ASZ1: variants seen among roughly 807,000 people sequenced by gnomAD.
ASZ1 encodes the protein ankyrin repeat, SAM and basic leucine zipper domain containing 1.
Under a neutral mutation model 61.8 loss-of-function variants are expected in ASZ1, and 67 were observed. The observed-to-expected ratio is 1.08, with a 90% CI of 0.89 to 1.33. The LOEUF (loss-of-function observed/expected upper bound fraction) is 1.33. ASZ1 is among the 40% of genes most tolerant of loss of function. The probability of loss-of-function intolerance (pLI) is 0.00; values close to 1 mark genes in which losing one functional copy is unlikely to be tolerated. For synonymous variants in ASZ1, 193 were observed against 192.7 expected, an observed-to-expected ratio of 1.00 and a Z score of -0.01; for missense variants, 577 against 554.5, an observed-to-expected ratio of 1.04 and a Z score of -0.41.
chr7:117,395,862 T>C (rs1268824221), intron 4 of ASZ1, among the ~76,000 whole-genome samples: 1 of 152,160 alleles, frequency 6.6e-6, no homozygotes, highest in African/African-American at 2.4e-5. Context: ...GGCAAGACAG[T>C]AAATATTTTG....
chr7:117,403,761 A>G (rs1796724366), intron 4 of ASZ1, among the ~76,000 whole-genome samples: 1 of 151,862 alleles, frequency 6.6e-6, no homozygotes, highest in African/African-American at 2.4e-5. Context: ...GGGGTCCCCA[A>G]CCCCCAGGCA....
At position 117,399,568 on chromosome 7, in the gene ASZ1, A is replaced by AT. The variant is rs1176455484; in HGVS notation, c.441-13760dup. Among the ~76,000 whole-genome samples the AT allele has an allele frequency of 5.3e-5, 8 of 151,686 alleles. No homozygotes were observed. The South Asian group carries it at 1.2e-3, about 24-fold the overall frequency. ...TTTTAAAAATCAATGACATTAAGTG[A>AT]TTTTTTTTCTTCATCTACCAGGCTT... On this transcript the variant is annotated intron_variant, in intron 4 of 12. Coordinates refer to ENST00000284629, the MANE Select transcript of ASZ1 (RefSeq NM_130768.3).
intron 11 of ASZ1, chr7:117,368,256 T>C (rs1445375140): frequency 1.0e-6 from 1 of 978,770 alleles, no homozygotes; most frequent in African/African-American, 1.8e-5. Context: ...TAAATTTATT[T>C]AAAAATATTT....
chr7:117,368,538 G>A, intron 11 of ASZ1, 74 bp downstream of exon 11: 1 of 1,542,370 alleles, frequency 6.5e-7, no homozygotes, highest in Non-Finnish European at 8.7e-7. Context: ...ACTATTTATT[G>A]AATTATCATG....
rs202197179 is a variant in ASZ1 at position 117,427,434 on chromosome 7, C to G, written c.27G>C (p.Leu9=). 1.9e-6 allele frequency: 3 copies of G among 1,614,046 alleles called. No individual in the cohort carries two copies. Among genetic ancestry groups the G allele is most frequent in the Non-Finnish European group, 2.5e-6 (3 of 1,179,982 alleles). ...TACTCTCGCCTCCGCCAGCCACTGG[C>G]AGGCCTCGCAGCGCGCTCGCCGCCA... is the stretch of plus-strand genomic sequence containing the variant. MAASALRG[L]PVAGGGESSE... Residue 9 remains leucine, a synonymous_variant, in exon 1 of 13, where the codon CTG becomes CTC. Coordinates refer to ENST00000284629, the MANE Select transcript of ASZ1 (RefSeq NM_130768.3).
At chr7:117,373,280 C>T (rs1313799955) in intron 10 of ASZ1, among the ~76,000 whole-genome samples, 1 of 151,960 alleles carries the variant, frequency 6.6e-6, no homozygotes, top group Non-Finnish European at 1.5e-5. Flanking sequence ...TGCTATGTTG[C>T]CAAGGCTGGC....
chr7:117,382,116 C>A lies in ASZ1; in HGVS notation c.841G>T (p.Val281Leu), dbSNP rs146322411. 41 of 1,599,862 alleles carry A rather than the reference C, an allele frequency of 2.6e-5. No individual in the cohort carries two copies. The highest frequency in any genetic ancestry group is 3.3e-5 in the Non-Finnish European group (38 of 1,167,772). The part of the protein sequence containing the change: ...SSYTAFGDLE[V>L]FLHGLGLEHM... ...TCAAGTCCAAGACCATGTAAAAATA[C>A]TTCCAGATCTCCAAATGCTGTATAT... is the stretch of plus-strand genomic sequence containing the variant. Residue 281 changes from valine to leucine, a missense_variant, in exon 8 of 13, where the codon GTA becomes TTA. Transcript: ENST00000284629.
At chr7:117,390,305 G>C (rs55718927) in intron 4 of ASZ1, among the ~76,000 whole-genome samples, 1 of 151,970 alleles carries the variant, frequency 6.6e-6, no homozygotes, top group South Asian at 2.1e-4. Context: ...AGGTAGCTGA[G>C]ACCACAGGCA....
chr7:117,364,173 CG>C (rs1167233739), intron 12 of ASZ1, among the ~76,000 whole-genome samples: 1 of 152,002 alleles, frequency 6.6e-6, no homozygotes. Flanking sequence ...TTAGCAAAAA[CG>C]AGAAGATCAG....
intron 4 of ASZ1, among the ~76,000 whole-genome samples, chr7:117,413,724 T>C (rs904893920): frequency 1.3e-5 from 2 of 152,072 alleles, no homozygotes; most frequent in African/African-American, 4.8e-5. Flanking sequence ...TGGAAAGCTG[T>C]CCATGAATTA....
In ASZ1 at chr7:117,382,977, C is replaced by T. The variant is rs761978274; in HGVS notation, c.812+9G>A. 1 of 1,552,700 alleles carries T rather than the reference C, an allele frequency of 6.4e-7. No individual in the cohort carries two copies. The highest frequency in any genetic ancestry group is 8.7e-7 in the Non-Finnish European group (1 of 1,152,594). On this transcript the variant is annotated intron_variant, in intron 7 of 12. Transcript: ENST00000284629. ...AGGTATTCTGTTGAACTAAAACATG[C>T]TATATTACCTAAAAATGTGATCTTT...
rs879205364 is a variant in ASZ1, at chr7:117,422,155, T to G, written c.328+82A>C. ...AAAGGTTACTTCAAATGGCTTTAGTTTTTTGCACTTTATATAATAGCTACT... is the reference window on the plus strand; with the variant it reads ...AAAGGTTACTTCAAATGGCTTTAGTGTTTTGCACTTTATATAATAGCTACT... On this transcript the variant is annotated intron_variant, in intron 3 of 12. Coordinates refer to ENST00000284629, the MANE Select transcript of ASZ1 (RefSeq NM_130768.3). 10 of 1,478,600 alleles carry G rather than the reference T, an allele frequency of 6.8e-6. No individual in the cohort carries two copies. In the South Asian group the frequency reaches 1.4e-4, roughly 20 times the overall value. 91.6% of individuals were successfully genotyped at this position (1,478,600 alleles called of 1,614,324 possible).
intron 12 of ASZ1, among the ~76,000 whole-genome samples, chr7:117,366,738 A>C (rs1716921457): frequency 6.6e-6 from 1 of 152,026 alleles, no homozygotes; most frequent in South Asian, 2.1e-4. Context: ...AAAATATTAC[A>C]GAGAGTCTGG....
rs1050430981 is a variant in ASZ1, at chr7:117,386,039, A to T, written c.441-230T>A. The stretch of plus-strand genomic sequence containing the variant: ...CTTACACAGCACCCTCTAGTGAATA[A>T]ATGTATTAAAAATACATGAAATAAG... On this transcript the variant is annotated intron_variant, in intron 4 of 12. Transcript: ENST00000284629. 3.3e-5 allele frequency among the ~76,000 whole-genome samples: 5 copies of T among 152,192 alleles called. No individual in the cohort carries two copies. The East Asian group carries it at 9.6e-4, about 29-fold the overall frequency.
At chr7:117,370,664 C>G (rs543261511) in intron 10 of ASZ1, among the ~76,000 whole-genome samples, 7 of 152,218 alleles carry the variant, frequency 4.6e-5, no homozygotes, top group Admixed American at 4.6e-4. Context: ...ATGCCACATT[C>G]TAGCAGAATG....
chr7:117,408,503 A>G (rs145540749), intron 4 of ASZ1, among the ~76,000 whole-genome samples: 1 of 152,162 alleles, frequency 6.6e-6, no homozygotes, highest in Non-Finnish European at 1.5e-5. Flanking sequence ...TTTATAGTGC[A>G]AAAATTGACC....
chr7:117,378,323 C>A (rs1016761208), intron 10 of ASZ1, among the ~76,000 whole-genome samples: 5 of 152,010 alleles, frequency 3.3e-5, no homozygotes, highest in Non-Finnish European at 7.4e-5. Context: ...GTAGATAACT[C>A]CCAAAACTCA....
intron 4 of ASZ1, among the ~76,000 whole-genome samples, chr7:117,412,797 A>T (rs1796921239): frequency 6.6e-6 from 1 of 151,878 alleles, no homozygotes; most frequent in South Asian, 2.1e-4. Context: ...TTTAAATATA[A>T]GAAAGAGTTT....
chr7:117,366,953 ATAGAATAC>A (rs1310867945), intron 12 of ASZ1, among the ~76,000 whole-genome samples: 1 of 152,160 alleles, frequency 6.6e-6, no homozygotes, highest in East Asian at 1.9e-4. Context: ...TTCTCCTAGT[ATAGAATAC>A]TTATGGTACA....
Sources: gnomAD v4.1 joint callset for allele counts (sites outside exome capture counted in the v4.1 genomes callset) on GRCh38, gnomAD v4.1.1 for gene constraint, MANE v1.5 for transcripts, NCBI Gene and HGNC (gene_info 2026-07-23, HGNC 2026-07-21) for gene names.